Variants in ATL2 observed in about 807,000 individuals in gnomAD.
ATL2 encodes the protein atlastin GTPase 2.
A neutral mutation model predicts 73.9 loss-of-function variants in ATL2; 31 were observed. The observed-to-expected ratio is 0.42, with a 90% CI of 0.32 to 0.57. The LOEUF (loss-of-function observed/expected upper bound fraction) is 0.57. ATL2 is among the 20% of genes least tolerant of loss of function. The pLI is 0.14. For synonymous variants in ATL2, 291 were observed against 237.5 expected (o/e 1.23, Z -2.07); for missense variants, 738 against 702.6 (o/e 1.05, Z -0.57).
At chr2:38,337,355 G>A (rs1241055376) in intron 2 of ATL2, among the ~76,000 whole-genome samples, 1 of 150,714 alleles carries the variant, frequency 6.6e-6, no homozygotes, top group Non-Finnish European at 1.5e-5. Flanking sequence ...GTGTCGTGGT[G>A]CGCACCTGTA....
chr2:38,349,050 TA>T (rs1330551121), intron 1 of ATL2, among the ~76,000 whole-genome samples: 1 of 150,314 alleles, frequency 6.7e-6, no homozygotes, highest in Non-Finnish European at 1.5e-5. Context: ...TGTGGAGAAA[TA>T]GGAACACTTT....
chr2:38,297,370 C>T (rs1666951888), intron 12 of ATL2, among the ~76,000 whole-genome samples: 1 of 152,158 alleles, frequency 6.6e-6, no homozygotes, highest in Non-Finnish European at 1.5e-5. Flanking sequence ...ATAACCGTAG[C>T]TTTCATTCTG....
At chr2:38,324,284 A>C (rs1053185244) in intron 2 of ATL2, among the ~76,000 whole-genome samples, 4 of 152,202 alleles carry the variant, frequency 2.6e-5, no homozygotes, top group Non-Finnish European at 4.4e-5. Flanking sequence ...GTCTCAAAAA[A>C]AACAATCCAA....
At chr2:38,305,675 T>C (rs1011330652) in intron 9 of ATL2, among the ~76,000 whole-genome samples, 3 of 152,126 alleles carry the variant, frequency 2.0e-5, no homozygotes, top group African/African-American at 7.2e-5. Flanking sequence ...CAATAGGCTC[T>C]TGAATGACCA....
chr2:38,363,155 G>C (rs141947041), intron 1 of ATL2, among the ~76,000 whole-genome samples: 4 of 152,104 alleles, frequency 2.6e-5, no homozygotes, highest in African/African-American at 9.7e-5. Flanking sequence ...AGCAATCTGC[G>C]AGGATACACA....
In ATL2 at chr2:38,336,873, T is replaced by C. The variant is rs367958626; in HGVS notation, c.363+6395A>G. 6.6e-5 allele frequency among the ~76,000 whole-genome samples: 10 copies of C among 152,234 alleles called. No homozygotes were observed. The East Asian group carries it at 9.6e-4, about 15-fold the overall frequency. On this transcript the variant is annotated intron_variant, in intron 2 of 12. Transcript: ENST00000378954. ...AACCGTTACATCACAAAATAGTATG[T>C]GCTTCCTAATGGAAGAATACGTCAT...
chr2:38,373,625 CTACT>C (rs978757130), intron 1 of ATL2, among the ~76,000 whole-genome samples: 4 of 152,162 alleles, frequency 2.6e-5, no homozygotes, highest in Non-Finnish European at 5.9e-5. Context: ...GTGAAGGTGG[CTACT>C]TAAATACACA....
intron 2 of ATL2, among the ~76,000 whole-genome samples, chr2:38,335,920 G>C (rs1322554525): frequency 6.6e-6 from 1 of 152,122 alleles, no homozygotes; most frequent in African/African-American, 2.4e-5. Flanking sequence ...GGAGGTACTT[G>C]GCAGTCTGAA....
intron 6 of ATL2, 60 bp downstream of exon 6, chr2:38,314,548 T>A: frequency 8.1e-7 from 1 of 1,231,086 alleles, no homozygotes; most frequent in Non-Finnish European, 1.2e-6. Context: ...AATTACAAAC[T>A]GAGGTGGCTT....
chr2:38,358,834 C>G (rs1670839029), intron 1 of ATL2: 1 of 152,372 alleles, frequency 6.6e-6, no homozygotes. Context: ...GGGTCTCCCC[C>G]ACAAGACTAT....
At chr2:38,361,008 A>T (rs1320115290) in intron 1 of ATL2, among the ~76,000 whole-genome samples, 2 of 152,070 alleles carry the variant, frequency 1.3e-5, no homozygotes, top group Non-Finnish European at 2.9e-5. Flanking sequence ...AATGCATAAG[A>T]TCTAAATATT....
At chr2:38,342,923 A>C (rs1297900128) in intron 2 of ATL2, among the ~76,000 whole-genome samples, 2 of 151,908 alleles carry the variant, frequency 1.3e-5, no homozygotes, top group Non-Finnish European at 2.9e-5. Context: ...CTATAGAATT[A>C]AAAATGCAGT....
Position 38,343,312 on chromosome 2 carries a change from T to A in ATL2, c.319A>T (p.Lys107Ter). ...AGCATGAAGTCCAGTAGAAATGACTTCCCTTTACGAAAAGCTCCTGCCACA... is the reference window on the plus strand; with the variant it reads ...AGCATGAAGTCCAGTAGAAATGACTACCCTTTACGAAAAGCTCCTGCCACA... ...VSVAGAFRKG[K>*]SFLLDFMLRY... The change falls in exon 2 of 13, where the codon AAG becomes TAG. Residue 107 changes from lysine (K) to a stop codon, truncating the protein, a stop_gained. Transcript: ENST00000378954. LOFTEE classifies it high-confidence loss of function. 6.2e-7 allele frequency: 1 copy of A among 1,611,912 alleles called. No homozygotes were observed. The highest frequency in any genetic ancestry group is 2.2e-5 in the East Asian group (1 of 44,840).
chr2:38,324,804 T>C (rs72902155), intron 2 of ATL2, among the ~76,000 whole-genome samples: 14,694 of 152,248 alleles, frequency 0.097, 2,370 homozygotes, highest in African/African-American at 0.33. Flanking sequence ...ACAAATATTC[T>C]ATGATTCTAC....
chr2:38,304,314 A>G (rs1385667466), intron 9 of ATL2, among the ~76,000 whole-genome samples: 1 of 152,218 alleles, frequency 6.6e-6, no homozygotes, highest in African/African-American at 2.4e-5. Flanking sequence ...TACTTCAAAC[A>G]TGAAGGAGAA....
chr2:38,336,320 G>C (rs945491673), intron 2 of ATL2, among the ~76,000 whole-genome samples: 3 of 152,182 alleles, frequency 2.0e-5, no homozygotes, highest in African/African-American at 7.2e-5. Context: ...GCAACAGTTT[G>C]GGGAGCAGCT....
At chr2:38,308,588 A>G (rs1667578780) in intron 9 of ATL2, among the ~76,000 whole-genome samples, 1 of 152,128 alleles carries the variant, frequency 6.6e-6, no homozygotes, top group South Asian at 2.1e-4. Flanking sequence ...ACATTTTAAA[A>G]TAACAAAGAG....
chr2:38,365,401 T>TCCCAGCACTTTGGGAGG (rs1186882502), intron 1 of ATL2, among the ~76,000 whole-genome samples: 1 of 152,108 alleles, frequency 6.6e-6, no homozygotes, highest in East Asian at 1.9e-4. Context: ...ACACCTGTAA[T>TCCCAGCACTTTGGGAGG]CCCAGCACTT....
At chr2:38,331,858 T>C (rs572954516) in intron 2 of ATL2, among the ~76,000 whole-genome samples, 3 of 151,900 alleles carry the variant, frequency 2.0e-5, no homozygotes, top group African/African-American at 4.8e-5. Flanking sequence ...ATATATTTTA[T>C]GTAATTAACA....
Sources: gnomAD v4.1 joint callset for allele counts (sites outside exome capture counted in the v4.1 genomes callset) on GRCh38, gnomAD v4.1.1 for gene constraint, MANE v1.5 for transcripts, NCBI Gene and HGNC (gene_info 2026-07-23, HGNC 2026-07-21) for gene names.